The following KMT2C variants were observed in gnomAD, a reference collection of about 807,000 sequenced individuals.
The protein encoded by KMT2C is histone-lysine N-methyltransferase 2C.
Under a neutral mutation model 507.9 loss-of-function variants are expected in KMT2C, and 88 were observed. The ratio of observed to expected loss-of-function variants is 0.17; its 90% CI spans 0.15 to 0.21. The LOEUF is 0.21. Among genes scored for constraint, KMT2C ranks in the 10% least tolerant of loss-of-function variants. The pLI, the probability that KMT2C is intolerant of heterozygous loss-of-function variation, is 1.00. For synonymous variants in KMT2C, 2,049 were observed against 2,080.8 expected (o/e 0.98, Z 0.42); for missense variants, 4,954 against 5,957.8 (o/e 0.83, Z 5.55).
intron 6 of KMT2C, among the ~76,000 whole-genome samples, chr7:152,294,548 G>A (rs1446650288): frequency 6.6e-6 from 1 of 151,906 alleles, no homozygotes; most frequent in Non-Finnish European, 1.5e-5. Context: ...AACATTGCTA[G>A]AGTTCATAGT....
intron 15 of KMT2C, among the ~76,000 whole-genome samples, chr7:152,237,656 C>A (rs2095304676): frequency 6.6e-6 from 1 of 152,042 alleles, no homozygotes; most frequent in Non-Finnish European, 1.5e-5. Flanking sequence ...TGCCACCACA[C>A]CCGGCTAAAT....
intron 6 of KMT2C, among the ~76,000 whole-genome samples, chr7:152,297,059 G>GAAAGACAGAAAGAAAGAAAGAAAGAA (rs1563767704): frequency 3.1e-5 from 2 of 64,396 alleles, no homozygotes; most frequent in African/African-American, 1.2e-4. Context: ...GAAAGACAGA[G>GAAAGACAGAAAGAAAGAAAGAAAGAA]AGAGAGAGAG....
chr7:152,230,545 T>C (rs1160534122), intron 16 of KMT2C, among the ~76,000 whole-genome samples: 6 of 152,226 alleles, frequency 3.9e-5, no homozygotes, highest in Middle Eastern at 3.4e-3. Flanking sequence ...GACCAAGAAG[T>C]AATGAGAAAA....
Position 152,315,400 on chromosome 7 carries a change from C to A in KMT2C, c.390-62G>T, listed in dbSNP as rs1010560487. 6.9e-6 allele frequency: 8 copies of A among 1,167,724 alleles called. No homozygotes were observed. The African/African-American group carries it at 1.2e-4, about 18-fold the overall frequency. 72.3% of individuals were successfully genotyped at this position (1,167,724 alleles called of 1,614,324 possible). A position where few individuals can be genotyped will look rare whatever the true frequency, so the allele number is the denominator to read the frequency against. ...AGTAGCTTTATTCAACTGCTTTAAG[C>A]GATAACTATAGATACTTGTGCTTTT... is the stretch of plus-strand genomic sequence containing the variant. On this transcript the variant is annotated intron_variant, in intron 3 of 58. Coordinates refer to ENST00000262189, the MANE Select transcript of KMT2C (RefSeq NM_170606.3).
chr7:152,154,561 T>C lies in KMT2C; in HGVS notation c.11961-116A>G, dbSNP rs529334993. On this transcript the variant is annotated intron_variant, in intron 46 of 58. Transcript: ENST00000262189. ...GTAAGGATACTCTGGGCAGCACCTA[T>C]ACGATGAGCAGCAAATGAATCAGCT... The C allele has an allele frequency of 3.0e-5, 23 of 774,658 alleles. 1 individual carries two copies. Among genetic ancestry groups the C allele is most frequent in the Admixed American group, 2.1e-4 (8 of 38,942 alleles). 48.0% of individuals were successfully genotyped at this position (774,658 alleles called of 1,614,324 possible).
In KMT2C at chr7:152,177,111, A is replaced by G. The variant is rs2129114225; in HGVS notation, c.8342T>C (p.Ile2781Thr). The G allele has an allele frequency of 1.2e-6, 2 of 1,613,250 alleles. No homozygotes were observed. Among genetic ancestry groups the G allele is most frequent in the African/African-American group, 1.3e-5 (1 of 74,960 alleles). Residue 2781 changes from isoleucine (I) to threonine (T), a missense_variant, in exon 38 of 59, where the codon ATT becomes ACT. Transcript: ENST00000262189. The part of the protein sequence containing the change: ...SMFNEELDLP[I>T]DDKLDNQCVS... ...ACACTGATTATCTAACTTATCATCA[A>G]TTGGAAGGTCTAGTTCCTCATTAAA...
chr7:152,374,032 G>C (rs1408132131), intron 1 of KMT2C, among the ~76,000 whole-genome samples: 3 of 151,998 alleles, frequency 2.0e-5, no homozygotes, highest in Non-Finnish European at 4.4e-5. Flanking sequence ...AAAACTACTG[G>C]TCAGGCCTGG....
intron 55 of KMT2C, 104 bp from the exon 56 acceptor site, chr7:152,139,895 A>G (rs746706325): frequency 1.3e-6 from 1 of 745,176 alleles, no homozygotes; most frequent in African/African-American, 1.7e-5. Flanking sequence ...AGCCATACTT[A>G]AGTTTCACTT....
chr7:152,359,518 C>T (rs2097178858), intron 1 of KMT2C, among the ~76,000 whole-genome samples: 2 of 151,970 alleles, frequency 1.3e-5, no homozygotes. Flanking sequence ...ACCTGTAACC[C>T]CAGCACTTTG....
In KMT2C at chr7:152,338,005, C is replaced by T. The variant is rs185557119; in HGVS notation, c.251-7266G>A. Among the ~76,000 whole-genome samples the T allele has an allele frequency of 2.5e-4, 38 of 152,016 alleles. No individual in the cohort carries two copies. In the East Asian group the frequency reaches 7.2e-3, roughly 29 times the overall value. On this transcript the variant is annotated intron_variant, in intron 2 of 58. Coordinates refer to ENST00000262189, the MANE Select transcript of KMT2C (RefSeq NM_170606.3). Reference sequence around the variant, plus strand: ...CCAAGTAGCTGGGACTACAGGCGCCCGGCACCACACCTGGCTAATTTTTTG... The same window carrying T: ...CCAAGTAGCTGGGACTACAGGCGCCTGGCACCACACCTGGCTAATTTTTTG...
At chr7:152,227,088 G>A (rs1165035094) in intron 18 of KMT2C, among the ~76,000 whole-genome samples, 1 of 152,104 alleles carries the variant, frequency 6.6e-6, no homozygotes, top group African/African-American at 2.4e-5. Flanking sequence ...ACTACAGTCT[G>A]GTCTCTACAC....
intron 1 of KMT2C, among the ~76,000 whole-genome samples, chr7:152,435,250 T>C (rs1474199884): frequency 6.6e-6 from 1 of 151,794 alleles, no homozygotes; most frequent in Non-Finnish European, 1.5e-5. Context: ...CCGGAGTCCG[T>C]CCGGGGACTA....
intron 18 of KMT2C, among the ~76,000 whole-genome samples, chr7:152,229,586 T>C (rs2095045459): frequency 6.6e-6 from 1 of 152,218 alleles, no homozygotes; most frequent in Non-Finnish European, 1.5e-5. Flanking sequence ...AATAATTTTT[T>C]ACTAAATATT....
intron 1 of KMT2C, among the ~76,000 whole-genome samples, chr7:152,412,048 C>A (rs1254300256): frequency 6.6e-6 from 1 of 152,396 alleles, no homozygotes; most frequent in African/African-American, 2.4e-5. Context: ...CTCTCCCAAA[C>A]AGAGCCTATT....
In KMT2C at chr7:152,435,925, A is replaced by T; in HGVS notation, c.-139T>A. The T allele has an allele frequency of 1.1e-6, 1 of 895,462 alleles. No homozygotes were observed. The highest frequency in any genetic ancestry group is 1.6e-6 in the Non-Finnish European group (1 of 634,628). The allele number at this position is 895,462 out of a possible 1,614,324, so 55.5% of individuals were successfully genotyped here. On this transcript the variant is annotated 5_prime_UTR_variant, in exon 1 of 59. Transcript: ENST00000262189. ...TCGCATTTCCCGCAGCCCCGGGAGC[A>T]GCAGCAGGTACCGGGAGAGGCGGCA...
chr7:152,300,781 C>G (rs866972476), intron 6 of KMT2C, among the ~76,000 whole-genome samples: 1 of 152,074 alleles, frequency 6.6e-6, no homozygotes, highest in Non-Finnish European at 1.5e-5. Flanking sequence ...AAGAGCTGGC[C>G]GGGCACAGTG....
intron 20 of KMT2C, among the ~76,000 whole-genome samples, chr7:152,223,689 G>C (rs1278739072): frequency 6.6e-6 from 1 of 152,166 alleles, no homozygotes; most frequent in East Asian, 1.9e-4. Context: ...AGATACTCGG[G>C]AGGCTGAGGC....
chr7:152,229,320 C>A (rs570242198), intron 18 of KMT2C, among the ~76,000 whole-genome samples: 3 of 152,152 alleles, frequency 2.0e-5, no homozygotes, highest in East Asian at 1.9e-4. Flanking sequence ...AAAGAAAAAA[C>A]CAAGAACCTT....
intron 7 of KMT2C, among the ~76,000 whole-genome samples, chr7:152,268,314 A>T (rs1042758828): frequency 3.3e-5 from 5 of 152,040 alleles, no homozygotes; most frequent in African/African-American, 7.2e-5. Flanking sequence ...CTGAATACCT[A>T]TTACCACACC....
Sources: allele counts gnomAD v4.1 joint callset (sites outside exome capture counted in the v4.1 genomes callset), GRCh38; gene constraint gnomAD v4.1.1; transcripts MANE v1.5; gene names NCBI Gene and HGNC (gene_info 2026-07-23, HGNC 2026-07-21).